RAI14: variants seen among roughly 807,000 people sequenced by gnomAD.
RAI14 encodes the protein ankycorbin.
A neutral mutation model predicts 115.4 loss-of-function variants in RAI14; 45 were observed. The observed-to-expected ratio is 0.39, with a 90% confidence interval of 0.31 to 0.50. RAI14 has a LOEUF of 0.50. RAI14 is among the 20% of genes least tolerant of loss of function. RAI14 has a pLI of 0.85. For synonymous variants in RAI14, 371 were observed against 415.4 expected, an observed-to-expected ratio of 0.89 and a Z score of 1.30; for missense variants, 939 against 1,131.2, an observed-to-expected ratio of 0.83 and a Z score of 2.44.
chr5:34,730,334 TTAAA>T, intron 2 of RAI14, among the ~76,000 whole-genome samples: 1 of 152,274 alleles, frequency 6.6e-6, no homozygotes, highest in South Asian at 2.1e-4. Context: ...GAATGTTGAG[TTAAA>T]TAAGTATAAA....
chr5:34,778,595 C>T (rs1751195832), intron 3 of RAI14, among the ~76,000 whole-genome samples: 1 of 152,112 alleles, frequency 6.6e-6, no homozygotes, highest in East Asian at 1.9e-4. Context: ...TTCGCATCTC[C>T]ACAGCTCCAC....
intron 15 of RAI14, among the ~76,000 whole-genome samples, chr5:34,824,970 A>G (rs1757294143): frequency 6.8e-6 from 1 of 146,184 alleles, no homozygotes; most frequent in African/African-American, 2.5e-5. Flanking sequence ...AAAAAAAAAG[A>G]ATAGTTTATT....
At chr5:34,688,182 C>T in intron 2 of RAI14, 1 of 1,549,400 alleles carries the variant, frequency 6.5e-7, no homozygotes, top group Non-Finnish European at 8.7e-7. Flanking sequence ...CCTTCAACCT[C>T]ATCGTCTGCT....
At chr5:34,730,345 T>C (rs751127001) in intron 2 of RAI14, among the ~76,000 whole-genome samples, 13 of 152,198 alleles carry the variant, frequency 8.5e-5, no homozygotes, top group Non-Finnish European at 1.3e-4. Context: ...TAAATAAGTA[T>C]AAAACTTTAT....
At chr5:34,743,656 TG>T (rs1273796550) in intron 2 of RAI14, among the ~76,000 whole-genome samples, 5 of 152,152 alleles carry the variant, frequency 3.3e-5, no homozygotes, top group Non-Finnish European at 7.4e-5. Context: ...ACCCTAACCT[TG>T]GGGTCCCCAA....
chr5:34,785,149 C>T (rs538078162), intron 3 of RAI14, among the ~76,000 whole-genome samples: 3 of 152,276 alleles, frequency 2.0e-5, no homozygotes, highest in African/African-American at 7.2e-5. Flanking sequence ...CCTCTAAAGC[C>T]TCCAGTTTCT....
intron 2 of RAI14, among the ~76,000 whole-genome samples, chr5:34,729,395 A>G (rs1311863217): frequency 2.0e-5 from 3 of 152,170 alleles, no homozygotes; most frequent in African/African-American, 7.2e-5. Flanking sequence ...GCTTCATTAT[A>G]TTCTTTCCTT....
chr5:34,737,765 A>G (rs891568842), intron 2 of RAI14, among the ~76,000 whole-genome samples: 2 of 152,104 alleles, frequency 1.3e-5, no homozygotes, highest in Admixed American at 1.3e-4. Context: ...TCTCAAAAAC[A>G]AAAAACAAAA....
intron 5 of RAI14, among the ~76,000 whole-genome samples, chr5:34,805,594 C>T (rs1754781877): frequency 1.3e-5 from 2 of 152,226 alleles, no homozygotes; most frequent in South Asian, 2.1e-4. Context: ...AATCCTAGCA[C>T]TTTGGGAGGC....
At chr5:34,677,804 A>G (rs1247826923) in intron 1 of RAI14, among the ~76,000 whole-genome samples, 1 of 152,050 alleles carries the variant, frequency 6.6e-6, no homozygotes, top group African/African-American at 2.4e-5. Context: ...ACTGCTAAAT[A>G]CTCTTAATTC....
intron 12 of RAI14, among the ~76,000 whole-genome samples, chr5:34,815,016 G>T (rs984178289): frequency 1.3e-5 from 2 of 152,112 alleles, no homozygotes; most frequent in African/African-American, 4.8e-5. Context: ...GGAGGCCAAG[G>T]TGGGCAGATC....
chr5:34,830,930 C>A lies in RAI14; in HGVS notation c.*165C>A. 2 of 1,297,754 alleles carry A rather than the reference C, an allele frequency of 1.5e-6. No individual in the cohort carries two copies. The highest frequency in any genetic ancestry group is 2.1e-6 in the Non-Finnish European group (2 of 973,822). The allele number at this position is 1,297,754 out of a possible 1,614,324, so 80.4% of individuals were successfully genotyped here. Reference sequence around the variant, plus strand: ...GAGGACTTCTCCCAGGAGAAGACTGCCCGCCTCAGAACTGCTTAGAGACTT... The same window carrying A: ...GAGGACTTCTCCCAGGAGAAGACTGACCGCCTCAGAACTGCTTAGAGACTT... On this transcript the variant is annotated 3_prime_UTR_variant, in exon 18 of 18. Transcript: ENST00000265109.
At position 34,832,080 on chromosome 5, in the gene RAI14, A is replaced by G. The variant is rs1758055408; in HGVS notation, c.*1315A>G. Reference sequence around the variant, plus strand: ...TAAAAATGTTTCTAACACGCTTGCAACTTCCCTTATGGCATTAATCTTGTT... The same window carrying G: ...TAAAAATGTTTCTAACACGCTTGCAGCTTCCCTTATGGCATTAATCTTGTT... On this transcript the variant is annotated 3_prime_UTR_variant, in exon 18 of 18. Transcript: ENST00000265109. 1.3e-5 allele frequency: 2 copies of G among 152,228 alleles called. No individual in the cohort carries two copies. The highest frequency in any genetic ancestry group is 2.9e-5 in the Non-Finnish European group (2 of 68,036). 9.4% of individuals were successfully genotyped at this position (152,228 alleles called of 1,614,324 possible).
intron 2 of RAI14, among the ~76,000 whole-genome samples, chr5:34,689,231 C>A (rs545199937): frequency 1.5e-3 from 224 of 151,998 alleles, no homozygotes; most frequent in Non-Finnish European, 2.8e-3. Flanking sequence ...TGGTAAAACC[C>A]CATCTCCACA....
chr5:34,660,120 G>A (rs1742579171), intron 1 of RAI14, among the ~76,000 whole-genome samples: 2 of 152,090 alleles, frequency 1.3e-5, no homozygotes, highest in South Asian at 4.2e-4. Context: ...AGGCTGCAGT[G>A]AGCCTAGATT....
At chr5:34,774,398 A>T (rs918070819) in intron 3 of RAI14, among the ~76,000 whole-genome samples, 4 of 152,080 alleles carry the variant, frequency 2.6e-5, no homozygotes, top group African/African-American at 4.8e-5. Context: ...AAAAAAACTG[A>T]TAAGCAAGTT....
At chr5:34,772,105 G>T (rs1037133859) in intron 3 of RAI14, among the ~76,000 whole-genome samples, 1 of 152,064 alleles carries the variant, frequency 6.6e-6, no homozygotes, top group Non-Finnish European at 1.5e-5. Context: ...TAGAGATGGG[G>T]TTTCACCATG....
At chr5:34,790,950 A>G (rs1336863411) in intron 3 of RAI14, among the ~76,000 whole-genome samples, 1 of 152,114 alleles carries the variant, frequency 6.6e-6, no homozygotes, top group African/African-American at 2.4e-5. Context: ...TGACTCTGAT[A>G]AAATTAAGTA....
chr5:34,711,932 A>AT (rs980662164), intron 2 of RAI14, among the ~76,000 whole-genome samples: 3 of 151,348 alleles, frequency 2.0e-5, no homozygotes, highest in Admixed American at 6.6e-5. Flanking sequence ...CTTTTATTCT[A>AT]TTTTTTTTAT....
Sources: gnomAD v4.1 joint callset for allele counts (sites outside exome capture counted in the v4.1 genomes callset) on GRCh38, gnomAD v4.1.1 for gene constraint, MANE v1.5 for transcripts, NCBI Gene and HGNC (gene_info 2026-07-23, HGNC 2026-07-21) for gene names.